CCDC73: variants seen among roughly 807,000 people sequenced by gnomAD.
CCDC73 encodes coiled-coil domain-containing protein 73.
Under a neutral mutation model 116.5 loss-of-function variants are expected in CCDC73, and 95 were observed. The observed-to-expected ratio is 0.82, with a 90% CI of 0.69 to 0.97. The LOEUF is 0.97. Among genes scored for constraint, CCDC73 ranks in the 50% least tolerant of loss-of-function variants. CCDC73 has a pLI of 0.00. For synonymous variants in CCDC73, 398 were observed against 401.3 expected (o/e 0.99, Z 0.10); for missense variants, 1,066 against 1,206.8 (o/e 0.88, Z 1.73).
At position 32,613,509 on chromosome 11, in the gene CCDC73, G is replaced by C. The variant is rs1855441170; in HGVS notation, c.2809C>G (p.Leu937Val). 1 of 1,614,048 alleles carries C rather than the reference G, an allele frequency of 6.2e-7. No homozygotes were observed. The change falls in exon 16 of 18, where the codon CTA becomes GTA. Residue 937 changes from leucine (L) to valine (V), a missense_variant. Physicochemically the swap from Leu to Val is conservative, Grantham distance 32. Coordinates refer to ENST00000335185, the MANE Select transcript of CCDC73 (RefSeq NM_001008391.4). ...ATCTTTTTGTTTTCTGATGGATCTAGTGGTCTCTCCTTCAGCAACAAAGAA... is the reference window on the plus strand; with the variant it reads ...ATCTTTTTGTTTTCTGATGGATCTACTGGTCTCTCCTTCAGCAACAAAGAA... ...CISLLLKERP[L>V]DPSENKKIIS...
At chr11:32,660,229 CAAA>C (rs11310092) in intron 9 of CCDC73, among the ~76,000 whole-genome samples, 4 of 66,502 alleles carry the variant, frequency 6.0e-5, no homozygotes, top group African/African-American at 1.2e-4. Flanking sequence ...TTCTCTCTAC[CAAA>C]AAAAAAAAAA....
At chr11:32,713,857 T>G (rs1403341977) in intron 3 of CCDC73, among the ~76,000 whole-genome samples, 1 of 152,054 alleles carries the variant, frequency 6.6e-6, no homozygotes, top group Non-Finnish European at 1.5e-5. Flanking sequence ...ACTGTCTTGG[T>G]AAAACTGTTA....
chr11:32,690,580 A>T (rs1229743899), intron 6 of CCDC73, among the ~76,000 whole-genome samples: 1 of 152,092 alleles, frequency 6.6e-6, no homozygotes, highest in East Asian at 1.9e-4. Context: ...CTGCCTCATG[A>T]CGGAATTCTC....
At chr11:32,798,282 T>G (rs1850740045), upstream of CCDC73, among the ~76,000 whole-genome samples, 2 of 152,362 alleles carry the variant, frequency 1.3e-5, no homozygotes, top group South Asian at 2.1e-4. Context: ...TAGTAAGCAT[T>G]CAAAAAGTAT....
intron 2 of CCDC73, among the ~76,000 whole-genome samples, chr11:32,753,940 G>T (rs1030629452): frequency 1.3e-5 from 2 of 152,134 alleles, no homozygotes; most frequent in Non-Finnish European, 2.9e-5. Flanking sequence ...TATAAGGTAT[G>T]TATGAATGCT....
intron 2 of CCDC73, among the ~76,000 whole-genome samples, chr11:32,753,241 G>C (rs1384915372): frequency 1.3e-5 from 2 of 148,544 alleles, no homozygotes; most frequent in Non-Finnish European, 3.0e-5. Flanking sequence ...TGTTTCTTAT[G>C]TTTTCTAGTA....
At chr11:32,664,413 G>A (rs1403705354) in intron 9 of CCDC73, among the ~76,000 whole-genome samples, 1 of 152,168 alleles carries the variant, frequency 6.6e-6, no homozygotes, top group Non-Finnish European at 1.5e-5. Context: ...TCTTGGGAGA[G>A]TGTATGTGTC....
At chr11:32,704,339 T>C (rs996806766) in intron 3 of CCDC73, among the ~76,000 whole-genome samples, 2 of 152,206 alleles carry the variant, frequency 1.3e-5, no homozygotes, top group Non-Finnish European at 2.9e-5. Context: ...TGGAGCAAAG[T>C]TGTGGACATG....
intron 2 of CCDC73, among the ~76,000 whole-genome samples, chr11:32,743,884 T>C (rs1030299255): frequency 2.2e-4 from 34 of 152,206 alleles, no homozygotes; most frequent in Non-Finnish European, 4.3e-4. Flanking sequence ...CTCTTCCTAT[T>C]TGAATACCCT....
At chr11:32,764,314 G>A (rs563550271) in intron 1 of CCDC73, among the ~76,000 whole-genome samples, 1 of 152,272 alleles carries the variant, frequency 6.6e-6, no homozygotes, top group East Asian at 1.9e-4. Flanking sequence ...ATAATTGTCA[G>A]ATTCACCAAA....
chr11:32,775,763 G>A (rs1281380951), intron 1 of CCDC73, among the ~76,000 whole-genome samples: 1 of 152,058 alleles, frequency 6.6e-6, no homozygotes, highest in African/African-American at 2.4e-5. Context: ...GTTTTCACAT[G>A]CTTTGCCCTT....
intron 13 of CCDC73, among the ~76,000 whole-genome samples, chr11:32,641,477 ATGT>A (rs1226832629): frequency 6.6e-6 from 1 of 152,040 alleles, no homozygotes; most frequent in African/African-American, 2.4e-5. Context: ...CCCTTATGAT[ATGT>A]TGTTAATATG....
the CCDC73 span, among the ~76,000 whole-genome samples, chr11:32,820,090 G>A: frequency 0.13 from 20,410 of 152,124 alleles, 1,476 homozygotes; most frequent in South Asian, 0.22. Context: ...TCATTTGAAA[G>A]TAGAGGGGAA....
intron 1 of CCDC73, among the ~76,000 whole-genome samples, chr11:32,767,726 C>T (rs1483863862): frequency 2.0e-5 from 3 of 152,154 alleles, no homozygotes; most frequent in Non-Finnish European, 4.4e-5. Flanking sequence ...AAAAAATGCT[C>T]ATCATCACTG....
upstream of CCDC73, among the ~76,000 whole-genome samples, chr11:32,798,537 C>A (rs560559015): frequency 6.6e-6 from 1 of 152,342 alleles, no homozygotes; most frequent in South Asian, 2.1e-4. Context: ...AACTCCTGGG[C>A]TCAAGTGATC....
intron 2 of CCDC73, among the ~76,000 whole-genome samples, chr11:32,734,834 C>G (rs1287028613): frequency 1.3e-5 from 2 of 152,186 alleles, no homozygotes; most frequent in Non-Finnish European, 2.9e-5. Flanking sequence ...ATCAAGTGGG[C>G]TTCATCCCTG....
intron 3 of CCDC73, among the ~76,000 whole-genome samples, chr11:32,716,077 T>C (rs1849941808): frequency 6.6e-6 from 1 of 152,124 alleles, no homozygotes; most frequent in Non-Finnish European, 1.5e-5. Flanking sequence ...GTAAAAGTAG[T>C]GTTTTCACTT....
chr11:32,624,821 C>G (rs1361782234), intron 14 of CCDC73, among the ~76,000 whole-genome samples: 1 of 152,166 alleles, frequency 6.6e-6, no homozygotes, highest in East Asian at 1.9e-4. Flanking sequence ...GAAAATGTGG[C>G]ACATATATAC....
intron 9 of CCDC73, among the ~76,000 whole-genome samples, chr11:32,660,428 G>A (rs1459787097): frequency 6.6e-6 from 1 of 151,726 alleles, no homozygotes; most frequent in Non-Finnish European, 1.5e-5. Flanking sequence ...TCAATATTGA[G>A]CTTCTACATC....
Sources: gnomAD v4.1 joint callset for allele counts (sites outside exome capture counted in the v4.1 genomes callset) on GRCh38, gnomAD v4.1.1 for gene constraint, MANE v1.5 for transcripts, NCBI Gene and HGNC (gene_info 2026-07-23, HGNC 2026-07-21) for gene names.